CACNA2D4: variants seen among roughly 807,000 people sequenced by gnomAD.
The protein encoded by CACNA2D4 is voltage-dependent calcium channel subunit alpha-2/delta-4.
Under a neutral mutation model 163.8 loss-of-function variants are expected in CACNA2D4, and 157 were observed. That is an observed-to-expected ratio of 0.96 (90% confidence interval 0.84 to 1.09). The LOEUF is 1.09. Among genes scored for constraint, CACNA2D4 ranks in the 50% least tolerant of loss-of-function variants. The probability of loss-of-function intolerance (pLI) is 0.00; values close to 1 mark genes in which losing one functional copy is unlikely to be tolerated. For synonymous variants in CACNA2D4, 598 were observed against 586.9 expected, an observed-to-expected ratio of 1.02 and a Z score of -0.27; for missense variants, 1,410 against 1,479.9, an observed-to-expected ratio of 0.95 and a Z score of 0.78.
At chr12:1,911,133 C>T (rs1304255237) in intron 3 of CACNA2D4, among the ~76,000 whole-genome samples, 1 of 150,962 alleles carries the variant, frequency 6.6e-6, no homozygotes, top group East Asian at 2.0e-4. Context: ...AAGCGATTCT[C>T]CTGCCTCAGA....
In CACNA2D4 at chr12:1,869,289, A is replaced by G. The variant is rs986834018; in HGVS notation, c.1878+5315T>C. Among the ~76,000 whole-genome samples the G allele has an allele frequency of 6.6e-6, 1 of 152,220 alleles. No homozygotes were observed. Among genetic ancestry groups the G allele is most frequent in the African/African-American group, 2.4e-5 (1 of 41,458 alleles). On this transcript the variant is annotated intron_variant, in intron 18 of 37. Coordinates refer to ENST00000382722, the MANE Select transcript of CACNA2D4 (RefSeq NM_172364.5). The surrounding 1 kb of genome is among the most constrained non-coding windows in gnomAD (Gnocchi z 4.7). ...AAGTGCAGCAGTAGCCGTTTTGCACACTGAAGTCCGCACAGAATACCAGGC... is the reference window on the plus strand; with the variant it reads ...AAGTGCAGCAGTAGCCGTTTTGCACGCTGAAGTCCGCACAGAATACCAGGC...
chr12:1,885,927 C>T lies in CACNA2D4; in HGVS notation c.1068+38G>A, dbSNP rs561738864. ...CAACCGCCCACCATCCAGACAAGAG[C>T]AGGGGCTTGGAAGTCTCAGGCCACC... On this transcript the variant is annotated intron_variant, in intron 9 of 37. Transcript: ENST00000382722. 32 of 1,464,756 alleles carry T rather than the reference C, an allele frequency of 2.2e-5. No homozygotes were observed. In the East Asian group the frequency reaches 2.7e-4, roughly 12 times the overall value. 90.7% of individuals were successfully genotyped at this position (1,464,756 alleles called of 1,614,324 possible).
intron 6 of CACNA2D4, among the ~76,000 whole-genome samples, chr12:1,894,022 A>G (rs1357137322): frequency 6.6e-6 from 1 of 152,190 alleles, no homozygotes; most frequent in Non-Finnish European, 1.5e-5. Context: ...CCAAGAACAA[A>G]GAGAGAGGAC....
chr12:1,875,297 T>C lies in CACNA2D4; in HGVS notation c.1760A>G (p.Asn587Ser). The C allele has an allele frequency of 3.1e-6, 5 of 1,613,886 alleles. No individual in the cohort carries two copies. Among genetic ancestry groups the C allele is most frequent in the Non-Finnish European group, 4.2e-6 (5 of 1,179,794 alleles). Residue 587 changes from asparagine to serine, a missense_variant, in exon 17 of 38, where the codon AAC becomes AGC. By Grantham distance (46) the Asn-to-Ser change is conservative (BLOSUM62 1). Coordinates refer to ENST00000382722, the MANE Select transcript of CACNA2D4 (RefSeq NM_172364.5). The surrounding 1 kb of genome is among the most constrained non-coding windows in gnomAD (Gnocchi z 4.0). ...CTCCACTTCGGAGAGATCCACACTG[T>C]TGTAGTTAGGTTTGGGTTTTAGTTT... is the stretch of plus-strand genomic sequence containing the variant. Reference protein sequence around the residue: ...GKKLKPKPNYNSVDLSEVEWE... With the variant: ...GKKLKPKPNYSSVDLSEVEWE...
intron 26 of CACNA2D4, among the ~76,000 whole-genome samples, chr12:1,825,822 C>G (rs1395469694): frequency 1.5e-5 from 2 of 135,836 alleles, no homozygotes; most frequent in African/African-American, 2.5e-5. Flanking sequence ...CAGCCTGGCT[C>G]TGAAACCTGC....
rs61909414 is a variant in CACNA2D4 at position 1,829,883 on chromosome 12, G to A, written c.2551+10856C>T. ...TGAATTCTTCCCAGTTCTCTTTCACGATGAGCAGGCTTCTCTGCTACTCAG... is the reference window on the plus strand; with the variant it reads ...TGAATTCTTCCCAGTTCTCTTTCACAATGAGCAGGCTTCTCTGCTACTCAG... On this transcript the variant is annotated intron_variant, in intron 26 of 37. Transcript: ENST00000382722. This position sits in a 1 kb window ranked among gnomAD's most constrained non-coding sequence, Gnocchi z 4.2. 3.9e-5 allele frequency among the ~76,000 whole-genome samples: 6 copies of A among 152,212 alleles called. No individual in the cohort carries two copies. Among genetic ancestry groups the A allele is most frequent in the Middle Eastern group, 3.4e-3 (1 of 294 alleles).
At chr12:1,837,899 A>G (rs1864918214) in intron 26 of CACNA2D4, among the ~76,000 whole-genome samples, 1 of 152,178 alleles carries the variant, frequency 6.6e-6, no homozygotes, top group Admixed American at 6.5e-5. Flanking sequence ...AGAAGCCCTC[A>G]AAGGTCTGAA....
chr12:1,809,416 C>A, intron 29 of CACNA2D4: 1 of 640,962 alleles, frequency 1.6e-6, no homozygotes, highest in South Asian at 1.8e-5. Context: ...AGTAGCAAAG[C>A]TCACACAGAA....
chr12:1,833,496 G>A lies in CACNA2D4; in HGVS notation c.2551+7243C>T, dbSNP rs1041752928. On this transcript the variant is annotated intron_variant, in intron 26 of 37. Transcript: ENST00000382722. The surrounding 1 kb of genome is among the most constrained non-coding windows in gnomAD (Gnocchi z 4.2). ...TGAAGACATCCTGGCGAGCCCGTGC[G>A]CCCAGGTACCCACACCTCCTCATCA... 7.2e-5 allele frequency among the ~76,000 whole-genome samples: 11 copies of A among 152,226 alleles called. No individual in the cohort carries two copies. The highest frequency in any genetic ancestry group is 1.9e-4 in the African/African-American group (8 of 41,540).
intron 32 of CACNA2D4, 24 bp from the exon 33 acceptor site, chr12:1,800,076 C>G: frequency 6.3e-7 from 1 of 1,585,646 alleles, no homozygotes; most frequent in Non-Finnish European, 8.6e-7. Flanking sequence ...GACTGAATCT[C>G]GGAGACCTCT....
At chr12:1,797,034 T>TGGCACCGCCCTG (rs1339972602) in intron 35 of CACNA2D4, among the ~76,000 whole-genome samples, 5 of 152,142 alleles carry the variant, frequency 3.3e-5, no homozygotes, top group Non-Finnish European at 7.4e-5. Flanking sequence ...GCGCGGGCAC[T>TGGCACCGCCCTG]GGCACCGCCC....
At chr12:1,839,901 T>C (rs935184862) in intron 26 of CACNA2D4, among the ~76,000 whole-genome samples, 1 of 152,204 alleles carries the variant, frequency 6.6e-6, no homozygotes, top group Non-Finnish European at 1.5e-5. Flanking sequence ...TGGCATCCGA[T>C]CCCCGCTAGT....
intron 26 of CACNA2D4, among the ~76,000 whole-genome samples, chr12:1,822,386 T>G (rs563819887): frequency 4.5e-4 from 68 of 152,138 alleles, no homozygotes; most frequent in African/African-American, 1.3e-3. Flanking sequence ...GCATAGAGGC[T>G]GTCTGCCCCT....
intron 3 of CACNA2D4, among the ~76,000 whole-genome samples, chr12:1,911,919 G>C (rs1866830947): frequency 6.6e-6 from 1 of 152,222 alleles, no homozygotes; most frequent in Admixed American, 6.5e-5. Context: ...TCCTGCTGTG[G>C]TGTGTGATTC....
Position 1,878,856 on chromosome 12 carries a change from G to A in CACNA2D4, c.1644+100C>T. Reference sequence around the variant, plus strand: ...GCAGTGATGGAGGGGCCCCACCCCAGCTCTGGGCTTGGCTTGCCTGGAGAG... The same window carrying A: ...GCAGTGATGGAGGGGCCCCACCCCAACTCTGGGCTTGGCTTGCCTGGAGAG... On this transcript the variant is annotated intron_variant, in intron 15 of 37. Coordinates refer to ENST00000382722, the MANE Select transcript of CACNA2D4 (RefSeq NM_172364.5). The surrounding 1 kb of genome is among the most constrained non-coding windows in gnomAD (Gnocchi z 4.6). The A allele has an allele frequency of 8.5e-7, 1 of 1,172,820 alleles. No homozygotes were observed. The highest frequency in any genetic ancestry group is 1.2e-6 in the Non-Finnish European group (1 of 822,360). The allele number at this position is 1,172,820 out of a possible 1,614,324, so 72.7% of individuals were successfully genotyped here. A position where few individuals can be genotyped will look rare whatever the true frequency, so the allele number is the denominator to read the frequency against.
Position 1,795,764 on chromosome 12 carries a change from G to T in CACNA2D4, c.3130C>A (p.Gln1044Lys), listed in dbSNP as rs1863103537. ...GPCQKVFVVQQIPNSNLLLLV... is the reference protein window; with the variant it reads ...GPCQKVFVVQKIPNSNLLLLV... The stretch of plus-strand genomic sequence containing the variant: ...AGGAGGAGGTTACTGTTGGGAATCT[G>T]CTGCACCACAAATACCCTGCAGCAA... The change falls in exon 36 of 38, where the codon CAG becomes AAG. Residue 1044 changes from glutamine (Q) to lysine (K), a missense_variant. By Grantham distance (53) the Gln-to-Lys change is moderately conservative. Coordinates refer to ENST00000382722, the MANE Select transcript of CACNA2D4 (RefSeq NM_172364.5). 1.2e-6 allele frequency: 2 copies of T among 1,610,306 alleles called. No homozygotes were observed. Among genetic ancestry groups the T allele is most frequent in the Non-Finnish European group, 1.7e-6 (2 of 1,176,508 alleles).
Position 1,810,452 on chromosome 12 carries a change from G to A in CACNA2D4, c.2658+91C>T, listed in dbSNP as rs773298277. On this transcript the variant is annotated intron_variant, in intron 28 of 37. Coordinates refer to ENST00000382722, the MANE Select transcript of CACNA2D4 (RefSeq NM_172364.5). The stretch of plus-strand genomic sequence containing the variant: ...TGGGAGCTTCACTGCAGGGAAGGAG[G>A]GCATTTGGGAGAGGGAAGCTGGCCT... 8 of 1,516,264 alleles carry A rather than the reference G, an allele frequency of 5.3e-6. No homozygotes were observed. In the Admixed American group the frequency reaches 5.7e-5, roughly 11 times the overall value. 93.9% of individuals were successfully genotyped at this position (1,516,264 alleles called of 1,614,324 possible).
chr12:1,884,970 C>T lies in CACNA2D4; in HGVS notation c.1158+17G>A. ...TCCTCCCAGTCCTCCCCTCCCAGGC[C>T]TCATTACAGTGGGCACCTGCTTCAG... is the stretch of plus-strand genomic sequence containing the variant. On this transcript the variant is annotated intron_variant, in intron 10 of 37. Transcript: ENST00000382722. The T allele has an allele frequency of 8.7e-6, 14 of 1,612,130 alleles. No homozygotes were observed. The highest frequency in any genetic ancestry group is 1.2e-5 in the Non-Finnish European group (14 of 1,178,210).
chr12:1,890,816 C>A (rs1866263262), intron 6 of CACNA2D4, among the ~76,000 whole-genome samples: 1 of 152,194 alleles, frequency 6.6e-6, no homozygotes, highest in Non-Finnish European at 1.5e-5. Flanking sequence ...CCAGCCCACT[C>A]TACCATCGTT....
Sources: allele counts gnomAD v4.1 joint callset (sites outside exome capture counted in the v4.1 genomes callset), GRCh38; gene constraint gnomAD v4.1.1; non-coding constraint Gnocchi (gnomAD v3.1); transcripts MANE v1.5; gene names NCBI Gene and HGNC (gene_info 2026-07-23, HGNC 2026-07-21).